The following NTNG1 variants were observed in gnomAD, a reference collection of about 807,000 sequenced individuals.
NTNG1 encodes netrin-G1.
Under a neutral mutation model 54.0 loss-of-function variants are expected in NTNG1, and 16 were observed. The ratio of observed to expected loss-of-function variants is 0.30; its 90% CI spans 0.20 to 0.45. The LOEUF is 0.45. Among genes scored for constraint, NTNG1 ranks in the 20% least tolerant of loss-of-function variants. NTNG1 has a pLI of 1.00. For synonymous variants in NTNG1, 255 were observed against 263.1 expected (o/e 0.97, Z 0.30); for missense variants, 530 against 678.7 (o/e 0.78, Z 2.43).
intron 7 of NTNG1, among the ~76,000 whole-genome samples, chr1:107,457,874 T>C (rs1038582091): frequency 2.6e-5 from 4 of 152,102 alleles, no homozygotes; most frequent in African/African-American, 9.7e-5. Context: ...TTATGAGTAC[T>C]GTAAGGAAAT....
intron 2 of NTNG1, among the ~76,000 whole-genome samples, chr1:107,243,137 A>G (rs773714404): frequency 8.5e-5 from 13 of 152,320 alleles, no homozygotes; most frequent in Admixed American, 2.6e-4. Flanking sequence ...GCCCACATTT[A>G]TATTCCATGT....
intron 3 of NTNG1, among the ~76,000 whole-genome samples, chr1:107,344,708 A>T (rs1392956178): frequency 6.6e-6 from 1 of 152,172 alleles, no homozygotes; most frequent in Non-Finnish European, 1.5e-5. Flanking sequence ...AGAATTTCAT[A>T]ACCCTCCCTT....
chr1:107,394,639 A>T (rs1456406510), intron 3 of NTNG1, among the ~76,000 whole-genome samples: 1 of 152,210 alleles, frequency 6.6e-6, no homozygotes, highest in Non-Finnish European at 1.5e-5. Context: ...AGAACACTTG[A>T]TTATAATTTC....
At chr1:107,160,230 T>C (rs1370818358) in intron 2 of NTNG1, among the ~76,000 whole-genome samples, 1 of 152,174 alleles carries the variant, frequency 6.6e-6, no homozygotes, top group Admixed American at 6.6e-5. Context: ...GCCTCTAGTA[T>C]TTCCCATATC....
At chr1:107,432,086 G>T (rs1675304149) in intron 6 of NTNG1, among the ~76,000 whole-genome samples, 1 of 152,064 alleles carries the variant, frequency 6.6e-6, no homozygotes, top group Admixed American at 6.6e-5. Context: ...TTTATTATTT[G>T]TCAATTAGGA....
intron 3 of NTNG1, among the ~76,000 whole-genome samples, chr1:107,391,802 A>G (rs1421153399): frequency 6.6e-6 from 1 of 152,162 alleles, no homozygotes; most frequent in Non-Finnish European, 1.5e-5. Flanking sequence ...CCAAGCCTTC[A>G]TGAGAGATCT....
intron 2 of NTNG1, among the ~76,000 whole-genome samples, chr1:107,229,517 G>GT (rs920240297): frequency 2.0e-5 from 3 of 151,240 alleles, no homozygotes; most frequent in African/African-American, 4.9e-5. Flanking sequence ...ATATTTCAAA[G>GT]TTTTTTCATT....
At chr1:107,239,603 A>G (rs965270948) in intron 2 of NTNG1, among the ~76,000 whole-genome samples, 3 of 152,232 alleles carry the variant, frequency 2.0e-5, no homozygotes, top group Non-Finnish European at 4.4e-5. Flanking sequence ...CCAAAATCCA[A>G]ACATTGAGAG....
chr1:107,177,687 A>G (rs565917058), intron 2 of NTNG1, among the ~76,000 whole-genome samples: 5 of 152,144 alleles, frequency 3.3e-5, no homozygotes, highest in Non-Finnish European at 7.4e-5. Flanking sequence ...ATTTTTCTCC[A>G]TAACTCTAGA....
chr1:107,202,333 G>A (rs1466280384), intron 2 of NTNG1, among the ~76,000 whole-genome samples: 1 of 151,668 alleles, frequency 6.6e-6, no homozygotes, highest in Non-Finnish European at 1.5e-5. Flanking sequence ...TTTGTCATCT[G>A]GAAAATGTTG....
intron 6 of NTNG1, among the ~76,000 whole-genome samples, chr1:107,433,388 G>A (rs552592709): frequency 6.6e-6 from 1 of 151,972 alleles, no homozygotes; most frequent in Non-Finnish European, 1.5e-5. Context: ...TACTGAAAGA[G>A]ATAAAAAATT....
intron 7 of NTNG1, among the ~76,000 whole-genome samples, chr1:107,478,380 A>G (rs1403964457): frequency 1.3e-5 from 2 of 152,164 alleles, no homozygotes; most frequent in African/African-American, 4.8e-5. Flanking sequence ...ATCTGTTCCT[A>G]GTATATTTAT....
At chr1:107,408,783 T>C (rs1040390378) in intron 5 of NTNG1, 1 of 152,038 alleles carries the variant, frequency 6.6e-6, no homozygotes, top group Admixed American at 6.6e-5. Flanking sequence ...GCTTGTGTCA[T>C]AGGTGCTGTG....
chr1:107,197,604 G>C (rs1377908537), intron 2 of NTNG1, among the ~76,000 whole-genome samples: 1 of 151,886 alleles, frequency 6.6e-6, no homozygotes, highest in Non-Finnish European at 1.5e-5. Context: ...GATTTGTGCA[G>C]GACTACATTC....
chr1:107,436,637 C>A (rs1675613410), intron 6 of NTNG1, 28 bp from the exon 7 acceptor site: 2 of 1,606,920 alleles, frequency 1.2e-6, no homozygotes, highest in Non-Finnish European at 1.7e-6. Flanking sequence ...GACTTGTCTC[C>A]AGCCTGTGTG....
chr1:107,386,061 A>C (rs1180551387), intron 3 of NTNG1, among the ~76,000 whole-genome samples: 1 of 148,268 alleles, frequency 6.7e-6, no homozygotes, highest in Non-Finnish European at 1.5e-5. Context: ...ATATGAAGGA[A>C]ACTGTATATA....
At chr1:107,426,207 G>A (rs1674898974) in intron 5 of NTNG1, among the ~76,000 whole-genome samples, 1 of 151,898 alleles carries the variant, frequency 6.6e-6, no homozygotes, top group Non-Finnish European at 1.5e-5. Context: ...TGTTTTTGTT[G>A]TATTTGTTTT....
intron 3 of NTNG1, among the ~76,000 whole-genome samples, chr1:107,346,592 G>T (rs1296610523): frequency 6.6e-6 from 1 of 152,064 alleles, no homozygotes. Flanking sequence ...CCTCAGAGAT[G>T]TCAAAACAAG....
intron 2 of NTNG1, among the ~76,000 whole-genome samples, chr1:107,236,163 G>A (rs1003115948): frequency 6.6e-6 from 1 of 152,216 alleles, no homozygotes; most frequent in Middle Eastern, 3.4e-3. Flanking sequence ...CCTGAGGAAG[G>A]AAAACACCTT....
Sources: allele counts gnomAD v4.1 joint callset (sites outside exome capture counted in the v4.1 genomes callset), GRCh38; gene constraint gnomAD v4.1.1; transcripts MANE v1.5; gene names NCBI Gene and HGNC (gene_info 2026-07-23, HGNC 2026-07-21).